The following ZHX3 variants were observed in gnomAD, a reference collection of about 807,000 sequenced individuals.
ZHX3 encodes zinc fingers and homeoboxes protein 3.
Under a neutral mutation model 64.5 loss-of-function variants are expected in ZHX3, and 20 were observed. That is an observed-to-expected ratio of 0.31 (90% confidence interval 0.22 to 0.45). ZHX3 has a LOEUF of 0.45. ZHX3 is among the 20% of genes least tolerant of loss of function. ZHX3 has a pLI of 1.00. For missense variants in ZHX3, 1,041 were observed against 1,195.8 expected (o/e 0.87, Z 1.91); for synonymous variants, 423 against 461.6 (o/e 0.92, Z 1.07).
chr20:41,303,044 C>T (rs1211245470), intron 1 of ZHX3, among the ~76,000 whole-genome samples: 1 of 152,106 alleles, frequency 6.6e-6, no homozygotes, highest in African/African-American at 2.4e-5. Context: ...TCTTCAAGTA[C>T]TTTAAAATAT....
At chr20:41,188,533 C>T (rs929171092) in intron 3 of ZHX3, 2 of 151,940 alleles carry the variant, frequency 1.3e-5, no homozygotes, top group African/African-American at 4.8e-5. Flanking sequence ...CTTCAGCCTC[C>T]TGAGTAGCTG....
At chr20:41,239,297 C>A (rs912912681) in intron 2 of ZHX3, among the ~76,000 whole-genome samples, 63 of 152,120 alleles carry the variant, frequency 4.1e-4, no homozygotes, top group African/African-American at 1.4e-3. Flanking sequence ...GCGTGAGCCA[C>A]CGTGCCTGGC....
At chr20:41,234,515 G>C (rs991632548) in intron 2 of ZHX3, among the ~76,000 whole-genome samples, 2 of 152,160 alleles carry the variant, frequency 1.3e-5, no homozygotes, top group Non-Finnish European at 2.9e-5. Context: ...AAAAGGGACA[G>C]ATATTCCTGT....
chr20:41,200,148 A>G lies in ZHX3; in HGVS notation c.2860+1909T>C, dbSNP rs949906061. 6.6e-6 allele frequency among the ~76,000 whole-genome samples: 1 copy of G among 152,170 alleles called. No homozygotes were observed. Among genetic ancestry groups the G allele is most frequent in the Non-Finnish European group, 1.5e-5 (1 of 68,014 alleles). On this transcript the variant is annotated intron_variant, in intron 3 of 3. Transcript: ENST00000683867. This position sits in a 1 kb window ranked among gnomAD's most constrained non-coding sequence, Gnocchi z 4.2. ...ATCAAAATTTGTAAGCCTCTCCATC[A>G]AGCTCTTCCCTGGATGTTGCAAGTG... is the stretch of plus-strand genomic sequence containing the variant.
intron 2 of ZHX3, among the ~76,000 whole-genome samples, chr20:41,245,505 G>A (rs368358857): frequency 1.3e-5 from 2 of 152,218 alleles, no homozygotes; most frequent in South Asian, 2.1e-4. Context: ...AAAGAAGGGA[G>A]CAAGAGTTAA....
chr20:41,313,927 T>G (rs904931738), intron 1 of ZHX3, among the ~76,000 whole-genome samples: 3 of 150,546 alleles, frequency 2.0e-5, no homozygotes, highest in Non-Finnish European at 4.4e-5. Context: ...ATAATTTTCA[T>G]TTAGGATTCC....
At position 41,258,819 on chromosome 20, in the gene ZHX3, G is replaced by A. The variant is rs117717248; in HGVS notation, c.-151+10171C>T. 5.1e-3 allele frequency among the ~76,000 whole-genome samples: 783 copies of A among 152,138 alleles called. 4 individuals are homozygous for A. The highest frequency in any genetic ancestry group is 7.0e-3 in the Non-Finnish European group (475 of 67,984). On this transcript the variant is annotated intron_variant, in intron 2 of 3. Transcript: ENST00000683867. ...TTAACACGTTGAGGTAGTTTGAGATGATGCAAATTCTTTCAAAGCTTTCCT... is the reference window on the plus strand; with the variant it reads ...TTAACACGTTGAGGTAGTTTGAGATAATGCAAATTCTTTCAAAGCTTTCCT...
chr20:41,307,064 T>G (rs2045001393), intron 1 of ZHX3, among the ~76,000 whole-genome samples: 5 of 152,098 alleles, frequency 3.3e-5, no homozygotes, highest in Admixed American at 2.0e-4. Context: ...GAGAATCCAC[T>G]CCATGGCAGG....
In ZHX3 at chr20:41,185,124, G is replaced by C; in HGVS notation, c.*67C>G. ...ACGGCATGTGGCAGCAGAGAGTCGG[G>C]TTTGGCTCTTCCACGTGGCAGGCGG... On this transcript the variant is annotated 3_prime_UTR_variant, in exon 4 of 4. Transcript: ENST00000683867. The surrounding 1 kb of genome is among the most constrained non-coding windows in gnomAD (Gnocchi z 5.0). The C allele has an allele frequency of 1.3e-6, 2 of 1,589,078 alleles. No individual in the cohort carries two copies.
At chr20:41,210,756 G>C (rs898946032) in intron 2 of ZHX3, among the ~76,000 whole-genome samples, 1 of 152,182 alleles carries the variant, frequency 6.6e-6, no homozygotes, top group East Asian at 1.9e-4. Context: ...AAGTTAACGA[G>C]TGCAGCACAC....
chr20:41,308,045 A>C (rs1183262678), intron 1 of ZHX3, among the ~76,000 whole-genome samples: 2 of 152,230 alleles, frequency 1.3e-5, no homozygotes, highest in African/African-American at 4.8e-5. Flanking sequence ...GTAATACAGC[A>C]GAGCCTGCAA....
chr20:41,306,014 T>C (rs933038455), intron 1 of ZHX3, among the ~76,000 whole-genome samples: 4 of 152,190 alleles, frequency 2.6e-5, no homozygotes, highest in Non-Finnish European at 5.9e-5. Context: ...TCTGGTTATA[T>C]AGTAAATATC....
chr20:41,274,515 G>A (rs1168305008), intron 1 of ZHX3, among the ~76,000 whole-genome samples: 1 of 152,190 alleles, frequency 6.6e-6, no homozygotes, highest in Non-Finnish European at 1.5e-5. Flanking sequence ...TTTGGCTAAA[G>A]TCTGTGAGAG....
At chr20:41,292,710 C>T (rs572937402) in intron 1 of ZHX3, among the ~76,000 whole-genome samples, 1 of 152,338 alleles carries the variant, frequency 6.6e-6, no homozygotes, top group African/African-American at 2.4e-5. Flanking sequence ...TGCTCCATAA[C>T]ATTTCTTATA....
chr20:41,300,299 T>C (rs2044754369), intron 1 of ZHX3, among the ~76,000 whole-genome samples: 1 of 152,232 alleles, frequency 6.6e-6, no homozygotes, highest in Non-Finnish European at 1.5e-5. Context: ...TAGTCATTTT[T>C]TTTTCCTTTC....
rs2036420714 is a variant in ZHX3 at position 41,185,230 on chromosome 20, T to G, written c.2861-29A>C. 3.8e-6 allele frequency: 6 copies of G among 1,582,446 alleles called. No homozygotes were observed. The East Asian group carries it at 1.3e-4, about 36-fold the overall frequency. ...AGAAGAAAACACATGCCTGTCACTC[T>G]ACGGCAGCTGCCACCACCTGCCCCC... On this transcript the variant is annotated intron_variant, in intron 3 of 3. Transcript: ENST00000683867. The surrounding 1 kb of genome is among the most constrained non-coding windows in gnomAD (Gnocchi z 5.0).
At chr20:41,271,078 C>A (rs1043042030) in intron 1 of ZHX3, among the ~76,000 whole-genome samples, 1 of 152,112 alleles carries the variant, frequency 6.6e-6, no homozygotes, top group East Asian at 1.9e-4. Context: ...TGGAGTGCAG[C>A]GGCACTATCT....
At chr20:41,311,990 A>C (rs985863837) in intron 1 of ZHX3, among the ~76,000 whole-genome samples, 2 of 152,226 alleles carry the variant, frequency 1.3e-5, no homozygotes, top group Non-Finnish European at 2.9e-5. Context: ...TAGATCTTGT[A>C]GTCTCTATTG....
At chr20:41,254,903 T>C (rs1466213772) in intron 2 of ZHX3, among the ~76,000 whole-genome samples, 1 of 152,016 alleles carries the variant, frequency 6.6e-6, no homozygotes, top group African/African-American at 2.4e-5. Context: ...CTATAATGAA[T>C]GTGTGCTACA....
Sources: allele counts gnomAD v4.1 joint callset (sites outside exome capture counted in the v4.1 genomes callset), GRCh38; gene constraint gnomAD v4.1.1; non-coding constraint Gnocchi (gnomAD v3.1); transcripts MANE v1.5; gene names NCBI Gene and HGNC (gene_info 2026-07-23, HGNC 2026-07-21).